Variants in CRTAC1 observed in about 807,000 individuals in gnomAD.
CRTAC1 encodes acidic secreted protein in cartilage.
CRTAC1 carries 37 observed loss-of-function variants against 67.8 expected under a neutral mutation model. The ratio of observed to expected loss-of-function variants is 0.55; its 90% CI spans 0.42 to 0.72. The LOEUF is 0.72. Ranked by LOEUF, CRTAC1 falls within the 30% of genes least tolerant of loss-of-function variation. The probability of loss-of-function intolerance (pLI) is 0.00; values close to 1 mark genes in which losing one functional copy is unlikely to be tolerated. For missense variants in CRTAC1, 780 were observed against 931.6 expected (o/e 0.84, Z 2.12); for synonymous variants, 348 against 371.0 (o/e 0.94, Z 0.71).
chr10:97,918,128 C>T (rs537131829), intron 4 of CRTAC1, among the ~76,000 whole-genome samples: 1 of 152,282 alleles, frequency 6.6e-6, no homozygotes, highest in Admixed American at 6.5e-5. Flanking sequence ...CATCTCCCTC[C>T]CCCTGTTCCC....
At chr10:97,992,685 C>G (rs1279013015) in intron 2 of CRTAC1, among the ~76,000 whole-genome samples, 1 of 152,066 alleles carries the variant, frequency 6.6e-6, no homozygotes, top group East Asian at 1.9e-4. Flanking sequence ...TGAAATAAAC[C>G]AGGCACAGAA....
At chr10:97,953,822 T>C (rs935066846) in intron 2 of CRTAC1, among the ~76,000 whole-genome samples, 6 of 152,222 alleles carry the variant, frequency 3.9e-5, no homozygotes, top group Non-Finnish European at 1.5e-5. Flanking sequence ...CTCCTATTCA[T>C]GAGCAAACAT....
intron 2 of CRTAC1, among the ~76,000 whole-genome samples, chr10:97,950,215 T>G (rs967425108): frequency 6.7e-6 from 1 of 149,240 alleles, no homozygotes; most frequent in South Asian, 2.1e-4. Context: ...GACACAGCTG[T>G]TGGTTTTGCA....
intron 2 of CRTAC1, among the ~76,000 whole-genome samples, chr10:97,966,286 T>C (rs2051615080): frequency 6.6e-6 from 1 of 152,238 alleles, no homozygotes; most frequent in Non-Finnish European, 1.5e-5. Flanking sequence ...ATTTTTGTAT[T>C]TTTAGTACAG....
At chr10:97,945,278 G>A (rs1278314620) in intron 2 of CRTAC1, among the ~76,000 whole-genome samples, 1 of 152,128 alleles carries the variant, frequency 6.6e-6, no homozygotes, top group African/African-American at 2.4e-5. Flanking sequence ...GCCCGAGGGT[G>A]GAAGGGTAAT....
intron 3 of CRTAC1, among the ~76,000 whole-genome samples, chr10:97,926,886 T>C (rs1418230014): frequency 6.6e-6 from 1 of 152,190 alleles, no homozygotes; most frequent in African/African-American, 2.4e-5. Context: ...GGATGGTCTC[T>C]GCAGGCTTCT....
intron 2 of CRTAC1, among the ~76,000 whole-genome samples, chr10:97,951,960 T>C (rs991005963): frequency 6.6e-5 from 10 of 152,170 alleles, no homozygotes; most frequent in Admixed American, 1.3e-4. Context: ...GGGATTCACA[T>C]GCACATTAAT....
intron 7 of CRTAC1, 133 bp downstream of exon 7, chr10:97,904,536 C>T (rs1020002869): frequency 1.3e-6 from 1 of 771,352 alleles, no homozygotes; most frequent in African/African-American, 1.8e-5. Context: ...TCCTGTGCCT[C>T]AGCTACCGGA....
chr10:97,880,559 C>T (rs953982018), intron 13 of CRTAC1, among the ~76,000 whole-genome samples, 167 bp from the exon 14 acceptor site: 2 of 152,120 alleles, frequency 1.3e-5, no homozygotes, highest in East Asian at 1.9e-4. Flanking sequence ...TTGGTCTCTA[C>T]ATGCTGGGGG....
chr10:97,912,816 T>G (rs1012536448), intron 5 of CRTAC1, among the ~76,000 whole-genome samples: 4 of 151,920 alleles, frequency 2.6e-5, no homozygotes, highest in African/African-American at 9.7e-5. Flanking sequence ...GTAAAGTGGG[T>G]GGGAATTGAG....
intron 8 of CRTAC1, among the ~76,000 whole-genome samples, chr10:97,900,540 CCA>C (rs1355611580): frequency 1.8e-4 from 24 of 132,962 alleles, no homozygotes; most frequent in South Asian, 7.8e-4. Flanking sequence ...TGATTGGACC[CCA>C]TAGCCTCTTT....
intron 14 of CRTAC1, chr10:97,869,715 C>G (rs2050070529): frequency 6.6e-6 from 1 of 152,344 alleles, no homozygotes; most frequent in East Asian, 1.9e-4. Flanking sequence ...CCCACGGCTC[C>G]CCGGTTGGCA....
At chr10:97,998,163 A>G (rs1842622093) in intron 2 of CRTAC1, among the ~76,000 whole-genome samples, 2 of 152,082 alleles carry the variant, frequency 1.3e-5, no homozygotes, top group South Asian at 4.1e-4. Context: ...AGTAGAGATG[A>G]GGTTTCTCCA....
chr10:97,871,026 A>G (rs1232652001), intron 14 of CRTAC1: 3 of 152,230 alleles, frequency 2.0e-5, no homozygotes, highest in Non-Finnish European at 4.4e-5. Flanking sequence ...TTGGCATGAA[A>G]GAGATGCTTG....
chr10:97,917,516 C>A lies in CRTAC1; in HGVS notation c.699G>T (p.Gly233=). 6.3e-7 allele frequency: 1 copy of A among 1,583,660 alleles called. No individual in the cohort carries two copies. Among genetic ancestry groups the A allele is most frequent in the South Asian group, 1.2e-5 (1 of 85,352 alleles). The change falls in exon 5 of 15, where the codon GGG becomes GGT. Residue 233 remains glycine, a synonymous_variant. Transcript: ENST00000370597. ...TCTGCATACCTGTATATTTGCTGAC[C>A]CCAGCCTCAGCAGCCACATCTCTGA... ...LALRDVAAEA[G]VSKYTGGRGV...
intron 2 of CRTAC1, among the ~76,000 whole-genome samples, chr10:97,998,845 T>C (rs187102423): frequency 8.5e-5 from 13 of 152,332 alleles, no homozygotes; most frequent in Admixed American, 8.5e-4. Context: ...GGTTCAGAGT[T>C]AACATGTCCT....
intron 1 of CRTAC1, among the ~76,000 whole-genome samples, chr10:98,019,278 A>C (rs1035653593): frequency 7.2e-5 from 11 of 152,172 alleles, no homozygotes; most frequent in Admixed American, 3.3e-4. Context: ...CTGGCTTATA[A>C]GCTAGGAGGC....
At chr10:97,967,325 C>T (rs889690430) in intron 2 of CRTAC1, among the ~76,000 whole-genome samples, 8 of 152,318 alleles carry the variant, frequency 5.3e-5, no homozygotes, top group South Asian at 2.1e-4. Context: ...CCCATCATGG[C>T]GGCTTTTCAA....
intron 11 of CRTAC1, among the ~76,000 whole-genome samples, chr10:97,893,257 T>C (rs2050402516): frequency 6.8e-6 from 1 of 146,690 alleles, no homozygotes; most frequent in Non-Finnish European, 1.5e-5. Flanking sequence ...CTTTCAGTTT[T>C]TTTTCTGCAC....
Sources: gnomAD v4.1 joint callset for allele counts (sites outside exome capture counted in the v4.1 genomes callset) on GRCh38, gnomAD v4.1.1 for gene constraint, MANE v1.5 for transcripts, NCBI Gene and HGNC (gene_info 2026-07-23, HGNC 2026-07-21) for gene names.